TPRG1: variants seen among roughly 807,000 people sequenced by gnomAD.
TPRG1 encodes tumor protein p63-regulated gene 1 protein.
Under a neutral mutation model 29.3 loss-of-function variants are expected in TPRG1, and 29 were observed. That is an observed-to-expected ratio of 0.99 (90% CI 0.74 to 1.35). The LOEUF (loss-of-function observed/expected upper bound fraction) is 1.35. Ranked by LOEUF, TPRG1 falls within the 40% of genes most tolerant of loss-of-function variation. The pLI is 0.00. For missense variants in TPRG1, 327 were observed against 335.0 expected (o/e 0.98, Z 0.19); for synonymous variants, 130 against 116.8 (o/e 1.11, Z -0.73).
chr3:189,256,076 G>C (rs1377075605), intron 4 of TPRG1, among the ~76,000 whole-genome samples: 1 of 151,944 alleles, frequency 6.6e-6, no homozygotes, highest in Non-Finnish European at 1.5e-5. Context: ...GTTTGCTCTT[G>C]CTTCTCTAAG....
chr3:189,283,571 A>G (rs984123143), intron 4 of TPRG1, among the ~76,000 whole-genome samples: 9 of 152,250 alleles, frequency 5.9e-5, no homozygotes, highest in Non-Finnish European at 1.2e-4. Flanking sequence ...TGAAATTAAC[A>G]TTTATAGAGG....
At chr3:189,275,067 T>C (rs1365190463) in intron 4 of TPRG1, among the ~76,000 whole-genome samples, 4 of 152,016 alleles carry the variant, frequency 2.6e-5, no homozygotes, top group Non-Finnish European at 5.9e-5. Flanking sequence ...CATGTATTTA[T>C]GTCTTCTGAT....
At chr3:189,206,993 C>T (rs1056152994) in intron 1 of TPRG1, among the ~76,000 whole-genome samples, 1 of 152,154 alleles carries the variant, frequency 6.6e-6, no homozygotes, top group African/African-American at 2.4e-5. Context: ...AATGCATTAT[C>T]ATTGCTTTTA....
At chr3:189,121,407 A>T (rs1721812677) in intron 1 of TPRG1, 1 of 152,166 alleles carries the variant, frequency 6.6e-6, no homozygotes. Flanking sequence ...AAAATTTCTG[A>T]CATATTCTGT....
intron 1 of TPRG1, among the ~76,000 whole-genome samples, chr3:189,116,304 G>A (rs1186945643): frequency 6.6e-6 from 1 of 151,962 alleles, no homozygotes; most frequent in African/African-American, 2.4e-5. Context: ...AGCCTCCTGA[G>A]TAGCTGGGAT....
intron 1 of TPRG1, among the ~76,000 whole-genome samples, chr3:189,114,889 A>G (rs747051603): frequency 3.3e-5 from 5 of 152,232 alleles, no homozygotes; most frequent in African/African-American, 2.4e-5. Context: ...GAAAATCTCA[A>G]CTACAACAGG....
intron 1 of TPRG1, among the ~76,000 whole-genome samples, chr3:189,108,593 T>G (rs756109946): frequency 6.6e-6 from 1 of 152,190 alleles, no homozygotes; most frequent in African/African-American, 2.4e-5. Context: ...CAGCTTTTCT[T>G]AGTAAGATTT....
Position 189,067,362 on chromosome 3 carries a change from G to A in TPRG1, c.-463+43416G>A, listed in dbSNP as rs185596104. Among the ~76,000 whole-genome samples the A allele has an allele frequency of 2.0e-4, 30 of 152,096 alleles. No homozygotes were observed. The East Asian group carries it at 2.7e-3, about 14-fold the overall frequency. Reference sequence around the variant, plus strand: ...ACCACAAAATGCCCAGAATAGACAAGTCTGTCCTAAGCAAAAAGAACAAAA... The same window carrying A: ...ACCACAAAATGCCCAGAATAGACAAATCTGTCCTAAGCAAAAAGAACAAAA... On this transcript the variant is annotated intron_variant, in intron 4 of 10. Coordinates refer to the TPRG1 transcript ENST00000433971.
At chr3:189,049,286 C>T (rs894254524) in intron 4 of TPRG1, among the ~76,000 whole-genome samples, 1 of 152,164 alleles carries the variant, frequency 6.6e-6, no homozygotes, top group African/African-American at 2.4e-5. Flanking sequence ...TGGAAACAGG[C>T]TTGGGGCTGT....
At chr3:189,051,530 C>A (rs1715319575) in intron 4 of TPRG1, among the ~76,000 whole-genome samples, 1 of 152,008 alleles carries the variant, frequency 6.6e-6, no homozygotes, top group African/African-American at 2.4e-5. Context: ...CAAAAGCAAT[C>A]TACAAATTCA....
At chr3:189,102,370 G>T (rs1719309082) in intron 1 of TPRG1, among the ~76,000 whole-genome samples, 1 of 152,118 alleles carries the variant, frequency 6.6e-6, no homozygotes, top group Non-Finnish European at 1.5e-5. Context: ...TGGCCCACAG[G>T]CATCTCACAC....
At chr3:189,159,840 ATGTGTGTGTGTGTGTG>A (rs57781182) in intron 5 of TPRG1, among the ~76,000 whole-genome samples, 3 of 138,486 alleles carry the variant, frequency 2.2e-5, no homozygotes, top group Non-Finnish European at 4.8e-5. Context: ...GTGTTTGTGT[ATGTGTGTGTGTGTGTG>A]TGTGTGTGTG....
At chr3:189,281,945 A>T (rs951950634) in intron 4 of TPRG1, among the ~76,000 whole-genome samples, 1 of 151,936 alleles carries the variant, frequency 6.6e-6, no homozygotes. Context: ...CAGTGGCATG[A>T]TCTCAGCTCA....
In TPRG1 at chr3:189,207,570, C is replaced by G. The variant is rs1250750287; in HGVS notation, c.186C>G (p.Ile62Met). ...LYPNPYHQPY[I>M]SRKYFATRPG... ...CCAATCCTTATCATCAGCCTTATAT[C>G]TCACGGAAGTACTTTGCTACACGGG... Residue 62 changes from isoleucine to methionine, a missense_variant, in exon 2 of 6, where the codon ATC becomes ATG. Coordinates refer to ENST00000345063, the MANE Select transcript of TPRG1 (RefSeq NM_198485.4). The G allele has an allele frequency of 1.4e-5, 23 of 1,611,966 alleles. No individual in the cohort carries two copies. In the South Asian group the frequency reaches 2.1e-4, roughly 15 times the overall value.
chr3:189,032,686 T>C (rs965560938), intron 4 of TPRG1, among the ~76,000 whole-genome samples: 16 of 151,586 alleles, frequency 1.1e-4, no homozygotes, highest in South Asian at 4.2e-4. Flanking sequence ...CATGCTGGTG[T>C]GCTGCACCCG....
At chr3:189,206,826 T>TGTGTGTGTGTGTGTGTGTGTGTGTGC (rs905110086) in intron 1 of TPRG1, among the ~76,000 whole-genome samples, 1 of 151,900 alleles carries the variant, frequency 6.6e-6, no homozygotes, top group African/African-American at 2.4e-5. Context: ...TGTGTGTGTG[T>TGTGTGTGTGTGTGTGTGTGTGTGTGC]GTGCACGCGT....
In TPRG1 at chr3:189,146,537, T is replaced by C. The variant is rs548434335; in HGVS notation, c.-290-1047T>C. On this transcript the variant is annotated intron_variant, in intron 3 of 6. Coordinates refer to the TPRG1 transcript ENST00000412373. ...ATGCCCTGTACAGAGTGTCAGGGAC[T>C]CAAGACGCCTTCCCACTCTGTCTGT... Among the ~76,000 whole-genome samples, 19 of 152,342 alleles carry C rather than the reference T, an allele frequency of 1.2e-4. No homozygotes were observed. In the East Asian group the frequency reaches 3.5e-3, roughly 28 times the overall value.
chr3:189,113,747 A>G (rs1006066750), intron 1 of TPRG1, among the ~76,000 whole-genome samples: 2 of 150,470 alleles, frequency 1.3e-5, no homozygotes, highest in Non-Finnish European at 1.5e-5. Context: ...GAAGGGGAAC[A>G]TCACACTCTG....
chr3:189,031,783 A>T (rs1713947237), intron 4 of TPRG1, among the ~76,000 whole-genome samples: 1 of 152,250 alleles, frequency 6.6e-6, no homozygotes, highest in Non-Finnish European at 1.5e-5. Flanking sequence ...GGAGGCAAAC[A>T]GTGCATGTAA....
Sources: allele counts gnomAD v4.1 joint callset (sites outside exome capture counted in the v4.1 genomes callset), GRCh38; gene constraint gnomAD v4.1.1; transcripts MANE v1.5; gene names NCBI Gene and HGNC (gene_info 2026-07-23, HGNC 2026-07-21).